CEP152: variants seen among roughly 807,000 people sequenced by gnomAD.
The protein encoded by CEP152 is centrosomal protein of 152 kDa.
CEP152 carries 132 observed loss-of-function variants against 188.9 expected under a neutral mutation model. That is an observed-to-expected ratio of 0.70 (90% confidence interval 0.61 to 0.81). CEP152 has a LOEUF of 0.81. CEP152 is among the 30% of genes least tolerant of loss of function. CEP152 has a pLI of 0.00. For missense variants in CEP152, 1,914 were observed against 1,969.8 expected (o/e 0.97, Z 0.54); for synonymous variants, 649 against 666.6 (o/e 0.97, Z 0.41).
chr15:48,800,315 T>C (rs975503127), intron 2 of CEP152, among the ~76,000 whole-genome samples: 2 of 152,332 alleles, frequency 1.3e-5, no homozygotes, highest in East Asian at 1.9e-4. Context: ...TTCTTTGGCA[T>C]AGCTGGGTCA....
chr15:48,760,639 C>T (rs2089774861), intron 18 of CEP152, among the ~76,000 whole-genome samples: 1 of 152,044 alleles, frequency 6.6e-6, no homozygotes, highest in Non-Finnish European at 1.5e-5. Flanking sequence ...ACACCCACCA[C>T]CTTCCTGACT....
At chr15:48,765,692 C>T (rs1454683001) in intron 17 of CEP152, 10 of 342,188 alleles carry the variant, frequency 2.9e-5, no homozygotes, top group Middle Eastern at 1.1e-3. Flanking sequence ...TTCGCTCTGT[C>T]GCCCAGGCTG....
chr15:48,736,608 T>A (rs1892612655), downstream of CEP152, among the ~76,000 whole-genome samples: 1 of 152,194 alleles, frequency 6.6e-6, no homozygotes, highest in African/African-American at 2.4e-5. Flanking sequence ...ATAATAGAAT[T>A]AGGTTACCTT....
chr15:48,792,228 G>A (rs1246724710), intron 7 of CEP152, among the ~76,000 whole-genome samples: 1 of 152,144 alleles, frequency 6.6e-6, no homozygotes, highest in Non-Finnish European at 1.5e-5. Flanking sequence ...CTGACCGCGT[G>A]ACCCGCCCTC....
At chr15:48,733,490 A>T (rs1282778278), downstream of CEP152, among the ~76,000 whole-genome samples, 1 of 152,222 alleles carries the variant, frequency 6.6e-6, no homozygotes, top group Non-Finnish European at 1.5e-5. Context: ...TATGAAAAAC[A>T]ATAATGATTA....
At chr15:48,781,132 C>A (rs746200927) in intron 12 of CEP152, 64 bp downstream of exon 12, 24 of 1,377,532 alleles carry the variant, frequency 1.7e-5, no homozygotes, top group Non-Finnish European at 2.4e-5. Flanking sequence ...AAAACAGATA[C>A]CATGCATCAT....
rs751827841 is a variant in CEP152 at position 48,793,431 on chromosome 15, A to C, written c.722T>G (p.Leu241Arg). The C allele has an allele frequency of 1.2e-6, 2 of 1,613,768 alleles. No individual in the cohort carries two copies. The highest frequency in any genetic ancestry group is 1.7e-6 in the Non-Finnish European group (2 of 1,179,858). Residue 241 changes from leucine (L) to arginine (R), a missense_variant, in exon 7 of 27, where the codon CTT becomes CGT. Transcript: ENST00000380950. ...NSAENMQIIQLQVLNKAKERQ... is the reference protein window; with the variant it reads ...NSAENMQIIQRQVLNKAKERQ... Reference sequence around the variant, plus strand: ...CTCTTTTGCTTTGTTAAGAACCTGAAGTTGAATAATCTGCATATTTTCTGC... The same window carrying C: ...CTCTTTTGCTTTGTTAAGAACCTGACGTTGAATAATCTGCATATTTTCTGC...
downstream of CEP152, among the ~76,000 whole-genome samples, chr15:48,733,551 TAATG>T (rs1368480719): frequency 1.3e-5 from 2 of 152,146 alleles, no homozygotes; most frequent in African/African-American, 4.8e-5. Context: ...GTAAGCATAT[TAATG>T]TATATGAAAG....
chr15:48,765,471 T>C lies in CEP152; in HGVS notation c.2280+1589A>G, dbSNP rs74012145. ...GCAGTTTAACTTTTCTTCTTGGACTTGTGTACAAACACTCATGAGCCAAAA... is the reference window on the plus strand; with the variant it reads ...GCAGTTTAACTTTTCTTCTTGGACTCGTGTACAAACACTCATGAGCCAAAA... On this transcript the variant is annotated intron_variant, in intron 17 of 26. Coordinates refer to ENST00000380950, the MANE Select transcript of CEP152 (RefSeq NM_001194998.2). 5.3e-3 allele frequency among the ~76,000 whole-genome samples: 812 copies of C among 152,046 alleles called. 8 individuals carry two copies. The highest frequency in any genetic ancestry group is 0.019 in the African/African-American group (781 of 41,474).
At position 48,781,201 on chromosome 15, in the gene CEP152, A is replaced by G; in HGVS notation, c.1572T>C (p.Val524=). 1 of 1,613,184 alleles carries G rather than the reference A, an allele frequency of 6.2e-7. No homozygotes were observed. Among genetic ancestry groups the G allele is most frequent in the Non-Finnish European group, 8.5e-7 (1 of 1,179,406 alleles). The part of the protein sequence containing the change: ...IKKVNWKKSK[V]TSIVQEEDPN... ...CTAAAATATTCTTTCCATACCTGGTAACTTTGGATTTTTTCCAGTTGACCT... is the reference window on the plus strand; with the variant it reads ...CTAAAATATTCTTTCCATACCTGGTGACTTTGGATTTTTTCCAGTTGACCT... The change falls in exon 12 of 27, where the codon GTT becomes GTC. Residue 524 remains valine (V), a synonymous_variant. Coordinates refer to ENST00000380950, the MANE Select transcript of CEP152 (RefSeq NM_001194998.2).
chr15:48,806,337 C>T (rs1009632055), intron 1 of CEP152, among the ~76,000 whole-genome samples: 4 of 152,094 alleles, frequency 2.6e-5, no homozygotes, highest in African/African-American at 9.7e-5. Flanking sequence ...GTGACTGCTG[C>T]GGCAGAAGCA....
rs1028129886 is a variant in CEP152 at position 48,748,599 on chromosome 15, C to T, written c.3478G>A (p.Val1160Ile). Residue 1160 changes from valine to isoleucine, a missense_variant, in exon 22 of 27, where the codon GTC becomes ATC. By Grantham distance (29) the Val-to-Ile change is conservative. Coordinates refer to ENST00000380950, the MANE Select transcript of CEP152 (RefSeq NM_001194998.2). ...ATEAEADKKKVLEIKDLCCGH... is the reference protein window; with the variant it reads ...ATEAEADKKKILEIKDLCCGH... ...CAGCATAAATCCTTAATTTCAAGGA[C>T]CTTTTTCTTATCTGCAAAAATTAAA... 2.0e-6 allele frequency: 3 copies of T among 1,482,388 alleles called. No individual in the cohort carries two copies. Among genetic ancestry groups the T allele is most frequent in the Admixed American group, 4.7e-5 (2 of 42,856 alleles). The allele number at this position is 1,482,388 out of a possible 1,614,324, so 91.8% of individuals were successfully genotyped here. A position where few individuals can be genotyped will look rare whatever the true frequency, so the allele number is the denominator to read the frequency against.
Position 48,769,056 on chromosome 15 carries a change from G to T in CEP152, c.1808C>A (p.Pro603Gln). ...AGACTCAGGCCATAATTGATTCTTTGGTTTTTCTGAGGTATCTGTTTTAGT... is the reference window on the plus strand; with the variant it reads ...AGACTCAGGCCATAATTGATTCTTTTGTTTTTCTGAGGTATCTGTTTTAGT... ...VETKTDTSEK[P>Q]KNQLWPESST... The change falls in exon 14 of 27, where the codon CCA (proline) becomes CAA (glutamine). Residue 603 changes from proline to glutamine, a missense_variant. Transcript: ENST00000380950. The T allele has an allele frequency of 6.2e-7, 1 of 1,606,026 alleles. No homozygotes were observed. Among genetic ancestry groups the T allele is most frequent in the South Asian group, 1.1e-5 (1 of 90,634 alleles).
chr15:48,745,103 G>A (rs370458239), intron 22 of CEP152, 111 bp from the exon 23 acceptor site: 11 of 714,126 alleles, frequency 1.5e-5, no homozygotes, highest in African/African-American at 5.5e-5. Context: ...ATTTCCAGTC[G>A]CTTTTCTGTA....
In CEP152 at chr15:48,748,533, A is replaced by T; in HGVS notation, c.3544T>A (p.Cys1182Ser). 6.5e-7 allele frequency: 1 copy of T among 1,534,858 alleles called. No homozygotes were observed. ...FQELEKAKQE[C>S]QDLKGKLEKC... is the part of the protein sequence containing the mutation. ...TCCAGTTTTCCTTTCAGATCTTGACATTCCTGCTTTGCCTTTTCAAGTTCT... is the reference window on the plus strand; with the variant it reads ...TCCAGTTTTCCTTTCAGATCTTGACTTTCCTGCTTTGCCTTTTCAAGTTCT... The change falls in exon 22 of 27, where the codon TGT becomes AGT. Residue 1182 changes from cysteine to serine, a missense_variant. Transcript: ENST00000380950.
At chr15:48,786,940 G>A in intron 9 of CEP152, among the ~76,000 whole-genome samples, 1 of 151,994 alleles carries the variant, frequency 6.6e-6, no homozygotes, top group East Asian at 1.9e-4. Flanking sequence ...TAAGTCAACA[G>A]AGAATGGAGA....
rs1347473314 is a variant in CEP152 at position 48,756,365 on chromosome 15, G to T, written c.2883C>A (p.Asn961Lys). The T allele has an allele frequency of 1.3e-6, 2 of 1,588,742 alleles. No individual in the cohort carries two copies. The highest frequency in any genetic ancestry group is 1.7e-6 in the Non-Finnish European group (2 of 1,169,766). Reference protein sequence around the residue: ...AELAKARSEWNKEKQEEIHRI... With the variant: ...AELAKARSEWKKEKQEEIHRI... ...TGTGGATTTCTTCTTGCTTTTCTTT[G>T]TTCCATTCACTCCGAGCCTTAGCTA... is the stretch of plus-strand genomic sequence containing the variant. The change falls in exon 20 of 27, where the codon AAC (asparagine) becomes AAA (lysine). Residue 961 changes from asparagine (N) to lysine (K), a missense_variant. Asn to Lys is a moderately conservative substitution (Grantham distance 94, BLOSUM62 0). Coordinates refer to ENST00000380950, the MANE Select transcript of CEP152 (RefSeq NM_001194998.2).
At chr15:48,756,914 C>T (rs143826504) in intron 19 of CEP152, among the ~76,000 whole-genome samples, 4 of 152,210 alleles carry the variant, frequency 2.6e-5, no homozygotes, top group Non-Finnish European at 2.9e-5. Flanking sequence ...AAAGCAAAAG[C>T]GGACTCATAA....
intron 19 of CEP152, among the ~76,000 whole-genome samples, chr15:48,759,196 G>C (rs895762396): frequency 1.3e-5 from 2 of 151,916 alleles, no homozygotes; most frequent in African/African-American, 4.8e-5. Flanking sequence ...TTTGCTATTG[G>C]ATATGTTGCC....
Sources: gnomAD v4.1 joint callset for allele counts (sites outside exome capture counted in the v4.1 genomes callset) on GRCh38, gnomAD v4.1.1 for gene constraint, MANE v1.5 for transcripts, NCBI Gene and HGNC (gene_info 2026-07-23, HGNC 2026-07-21) for gene names.